The following ADAMTSL1 variants were observed in gnomAD, a reference collection of about 807,000 sequenced individuals.
The protein encoded by ADAMTSL1 is ADAMTS-like protein 1.
In ADAMTSL1, 126 loss-of-function variants were observed where a neutral mutation model predicts 201.8. That is an observed-to-expected ratio of 0.62 (90% CI 0.54 to 0.72). The LOEUF (loss-of-function observed/expected upper bound fraction) is 0.72. Among genes scored for constraint, ADAMTSL1 ranks in the 30% least tolerant of loss-of-function variants. The pLI is 0.00. For missense variants in ADAMTSL1, 2,679 were observed against 2,277.8 expected (o/e 1.18, Z -3.59); for synonymous variants, 1,121 against 903.4 (o/e 1.24, Z -4.32).
intron 2 of ADAMTSL1, among the ~76,000 whole-genome samples, chr9:18,283,060 T>C (rs1369700298): frequency 6.6e-6 from 1 of 152,238 alleles, no homozygotes; most frequent in Non-Finnish European, 1.5e-5. Context: ...TGAAATCAAC[T>C]ATAATTTTTG....
chr9:18,456,966 A>G (rs1418585018), intron 2 of ADAMTSL1, among the ~76,000 whole-genome samples: 1 of 152,198 alleles, frequency 6.6e-6, no homozygotes, highest in Non-Finnish European at 1.5e-5. Context: ...TGGCTATCTC[A>G]TTCATTCATT....
intron 3 of ADAMTSL1, 80 bp from the exon 4 acceptor site, chr9:18,573,950 C>T: frequency 8.9e-7 from 1 of 1,123,306 alleles, no homozygotes; most frequent in Non-Finnish European, 1.3e-6. Context: ...AAGACCTAAG[C>T]AGACCATATA....
chr9:18,862,040 C>T (rs1827245763), intron 23 of ADAMTSL1, among the ~76,000 whole-genome samples: 1 of 152,188 alleles, frequency 6.6e-6, no homozygotes. Flanking sequence ...CCACTGCTCA[C>T]CGTGGAATTC....
chr9:18,019,299 G>A (rs984421418), intron 1 of ADAMTSL1, among the ~76,000 whole-genome samples: 8 of 152,020 alleles, frequency 5.3e-5, no homozygotes, highest in African/African-American at 1.9e-4. Context: ...AAGGAGTCAG[G>A]ACTTGGTTGT....
intron 23 of ADAMTSL1, among the ~76,000 whole-genome samples, chr9:18,843,390 C>T (rs1825861066): frequency 6.6e-6 from 1 of 150,954 alleles, no homozygotes; most frequent in Admixed American, 6.6e-5. Context: ...TGTAGAGTTT[C>T]TGCCGAGAGA....
chr9:18,716,025 G>T (rs370310097), intron 14 of ADAMTSL1, among the ~76,000 whole-genome samples: 1 of 150,186 alleles, frequency 6.7e-6, no homozygotes, highest in Non-Finnish European at 1.5e-5. Context: ...GGGAAAACTG[G>T]CTAGCCATAT....
intron 2 of ADAMTSL1, among the ~76,000 whole-genome samples, chr9:18,383,632 AC>A (rs1405722596): frequency 4.6e-5 from 7 of 152,162 alleles, no homozygotes; most frequent in Non-Finnish European, 7.4e-5. Context: ...ATCCTGGTTG[AC>A]TGTCCCCTTG....
chr9:18,344,398 C>A (rs1186958571), intron 2 of ADAMTSL1, among the ~76,000 whole-genome samples: 1 of 151,928 alleles, frequency 6.6e-6, no homozygotes. Flanking sequence ...CTCAAGAGAT[C>A]CTTCTGCCTC....
chr9:18,617,437 C>T (rs1825761948), intron 4 of ADAMTSL1, among the ~76,000 whole-genome samples: 1 of 143,116 alleles, frequency 7.0e-6, no homozygotes, highest in African/African-American at 2.6e-5. Flanking sequence ...ATCTGCACGA[C>T]ATACTAAGTC....
intron 20 of ADAMTSL1, among the ~76,000 whole-genome samples, chr9:18,804,046 A>G (rs1320296926): frequency 6.6e-6 from 1 of 152,082 alleles, no homozygotes; most frequent in Non-Finnish European, 1.5e-5. Flanking sequence ...AGGACTATGA[A>G]CCTCTTTCCC....
intron 1 of ADAMTSL1, among the ~76,000 whole-genome samples, chr9:18,101,358 C>T (rs1008225976): frequency 6.6e-6 from 1 of 151,846 alleles, no homozygotes. Flanking sequence ...ATTAGCTAGG[C>T]GTGGTGGCAT....
At chr9:18,416,670 C>G (rs1818689868) in intron 2 of ADAMTSL1, among the ~76,000 whole-genome samples, 1 of 151,846 alleles carries the variant, frequency 6.6e-6, no homozygotes, top group Non-Finnish European at 1.5e-5. Context: ...AAGAATCACA[C>G]CAGGAATAAA....
intron 1 of ADAMTSL1, among the ~76,000 whole-genome samples, chr9:17,956,006 T>C (rs1827915442): frequency 6.6e-6 from 1 of 152,172 alleles, no homozygotes; most frequent in Non-Finnish European, 1.5e-5. Flanking sequence ...AAGCAAAAAA[T>C]AGTTTTGAAA....
intron 23 of ADAMTSL1, among the ~76,000 whole-genome samples, chr9:18,832,288 G>A (rs1405439151): frequency 1.3e-5 from 2 of 152,122 alleles, no homozygotes; most frequent in African/African-American, 2.4e-5. Context: ...ACTCCTATAG[G>A]TGGCCCTTTC....
At chr9:18,353,117 C>T (rs765125814) in intron 2 of ADAMTSL1, among the ~76,000 whole-genome samples, 1 of 152,196 alleles carries the variant, frequency 6.6e-6, no homozygotes, top group Non-Finnish European at 1.5e-5. Context: ...TGCTTGACTT[C>T]AATGTCAGGC....
At chr9:18,142,321 G>A (rs1423925845) in intron 1 of ADAMTSL1, among the ~76,000 whole-genome samples, 1 of 152,150 alleles carries the variant, frequency 6.6e-6, no homozygotes, top group African/African-American at 2.4e-5. Flanking sequence ...TTTCTTCAAG[G>A]TTCTTGCTGT....
intron 2 of ADAMTSL1, among the ~76,000 whole-genome samples, chr9:18,304,574 C>T (rs551244713): frequency 1.2e-4 from 18 of 151,690 alleles, no homozygotes; most frequent in Non-Finnish European, 2.2e-4. Context: ...TTTACCTACA[C>T]TGAGGAAATA....
At chr9:17,952,406 A>G (rs370067070) in intron 1 of ADAMTSL1, among the ~76,000 whole-genome samples, 4 of 151,594 alleles carry the variant, frequency 2.6e-5, no homozygotes, top group African/African-American at 9.7e-5. Flanking sequence ...CATCTAGTTG[A>G]TTTTCTTATT....
At chr9:18,674,489 T>C (rs1212849374) in intron 9 of ADAMTSL1, among the ~76,000 whole-genome samples, 2 of 152,018 alleles carry the variant, frequency 1.3e-5, no homozygotes, top group African/African-American at 4.8e-5. Context: ...TTCTTACCTT[T>C]CATCATCTCC....
Sources: gnomAD v4.1 joint callset for allele counts (sites outside exome capture counted in the v4.1 genomes callset) on GRCh38, gnomAD v4.1.1 for gene constraint, MANE v1.5 for transcripts, NCBI Gene and HGNC (gene_info 2026-07-23, HGNC 2026-07-21) for gene names.